Variants in PPFIBP2 observed in about 807,000 individuals in gnomAD.
The protein encoded by PPFIBP2 is liprin-beta-2.
In PPFIBP2, 118 loss-of-function variants were observed where a neutral mutation model predicts 118.3. The ratio of observed to expected loss-of-function variants is 1.00; its 90% CI spans 0.86 to 1.16. The LOEUF (loss-of-function observed/expected upper bound fraction) is 1.16. Ranked by LOEUF, PPFIBP2 falls within the 50% of genes most tolerant of loss-of-function variation. PPFIBP2 has a pLI of 0.00. For synonymous variants in PPFIBP2, 414 were observed against 397.4 expected, an observed-to-expected ratio of 1.04 and a Z score of -0.50; for missense variants, 1,195 against 1,073.1, an observed-to-expected ratio of 1.11 and a Z score of -1.59.
chr11:7,655,747 G>GCT (rs2136072429), downstream of PPFIBP2, among the ~76,000 whole-genome samples: 1 of 151,982 alleles, frequency 6.6e-6, no homozygotes, highest in South Asian at 2.1e-4. Flanking sequence ...GCCAAAGCCA[G>GCT]CTAAAGCACA....
chr11:7,606,554 T>C (rs1009600021), intron 5 of PPFIBP2, among the ~76,000 whole-genome samples: 3 of 152,216 alleles, frequency 2.0e-5, no homozygotes, highest in Admixed American at 6.5e-5. Context: ...GTAAATGTTC[T>C]GTTATTAGTG....
At chr11:7,535,389 C>G (rs992658558) in intron 1 of PPFIBP2, among the ~76,000 whole-genome samples, 3 of 152,138 alleles carry the variant, frequency 2.0e-5, no homozygotes, top group African/African-American at 7.2e-5. Flanking sequence ...ATCAGGAACC[C>G]AGGAGCAGGT....
At chr11:7,665,218 T>C in the PPFIBP2 span, 1 of 592,906 alleles carries the variant, frequency 1.7e-6, no homozygotes, top group Non-Finnish European at 2.8e-6. Context: ...CTTGAGCCCT[T>C]TTTGTTAGGC....
At chr11:7,597,963 T>A in intron 5 of PPFIBP2, 2 of 317,850 alleles carry the variant, frequency 6.3e-6, no homozygotes, top group South Asian at 4.6e-5. Context: ...GAGGGAGCGC[T>A]CGGCTGGGGG....
At chr11:7,604,434 A>G (rs577733846) in intron 5 of PPFIBP2, among the ~76,000 whole-genome samples, 1 of 151,606 alleles carries the variant, frequency 6.6e-6, no homozygotes, top group Non-Finnish European at 1.5e-5. Flanking sequence ...ACACACATGC[A>G]CCCACACACA....
At chr11:7,635,348 G>T (rs559541153) in intron 13 of PPFIBP2, among the ~76,000 whole-genome samples, 1 of 152,330 alleles carries the variant, frequency 6.6e-6, no homozygotes, top group Admixed American at 6.5e-5. Context: ...TGGTCATGTT[G>T]CTGGCAGCTG....
downstream of PPFIBP2, chr11:7,657,019 G>T: frequency 2.9e-6 from 1 of 350,670 alleles, no homozygotes. Flanking sequence ...CTTCACCGCA[G>T]GCTTCATACC....
downstream of PPFIBP2, chr11:7,655,306 T>C (rs1565138422): frequency 4.8e-6 from 3 of 626,552 alleles, no homozygotes; most frequent in South Asian, 3.3e-5. Context: ...GGCCCACTCC[T>C]TGCCTGTCCC....
At position 7,649,628 on chromosome 11, in the gene PPFIBP2, T is replaced by A. The variant is rs1397835891; in HGVS notation, c.2095T>A (p.Cys699Ser). Residue 699 changes from cysteine to serine, a missense_variant, in exon 21 of 24, where the codon TGC (cysteine) becomes AGC (serine). Transcript: ENST00000299492. ...GCATGTCAACAAGTTCAACCCCCAC[T>A]GCCTGCACCGGCGGCCAGCTGATGA... Reference protein sequence around the residue: ...VLHVNKFNPHCLHRRPADESN... With the variant: ...VLHVNKFNPHSLHRRPADESN... 6.2e-7 allele frequency: 1 copy of A among 1,614,230 alleles called. No homozygotes were observed. The highest frequency in any genetic ancestry group is 8.5e-7 in the Non-Finnish European group (1 of 1,180,030).
intron 23 of PPFIBP2, 109 bp from the exon 24 acceptor site, chr11:7,652,915 C>T: frequency 7.8e-7 from 1 of 1,285,102 alleles, no homozygotes; most frequent in South Asian, 1.4e-5. Flanking sequence ...GAGCAGTTTA[C>T]ATTATTCCTC....
intron 1 of PPFIBP2, among the ~76,000 whole-genome samples, chr11:7,526,180 A>T (rs751735124): frequency 6.6e-6 from 1 of 152,212 alleles, no homozygotes; most frequent in Non-Finnish European, 1.5e-5. Context: ...GGAGGAAGGT[A>T]TACTGAAAGG....
At chr11:7,607,502 C>G (rs1177343003) in intron 5 of PPFIBP2, among the ~76,000 whole-genome samples, 3 of 152,162 alleles carry the variant, frequency 2.0e-5, no homozygotes, top group African/African-American at 7.2e-5. Context: ...GCATGAGCCA[C>G]TGTGCCCAGG....
At chr11:7,636,384 T>C (rs972555606) in intron 14 of PPFIBP2, among the ~76,000 whole-genome samples, 3 of 151,034 alleles carry the variant, frequency 2.0e-5, no homozygotes, top group Non-Finnish European at 4.4e-5. Context: ...TACTCTTCCA[T>C]ATTTGTAGCA....
chr11:7,656,612 T>G (rs898740057), downstream of PPFIBP2: 8 of 588,358 alleles, frequency 1.4e-5, no homozygotes, highest in Middle Eastern at 3.0e-4. Flanking sequence ...AAACTTATAG[T>G]GCACCTGTGT....
Position 7,653,307 on chromosome 11 carries a change from G to A in PPFIBP2, c.*89G>A. ...ATAACTGCACCTCACCCCCGCACGT[G>A]TGCATGACTCGCAGAGAATATTCCA... On this transcript the variant is annotated 3_prime_UTR_variant, in exon 24 of 24. Coordinates refer to ENST00000299492, the MANE Select transcript of PPFIBP2 (RefSeq NM_003621.5). 1 of 1,571,022 alleles carries A rather than the reference G, an allele frequency of 6.4e-7. No individual in the cohort carries two copies. The highest frequency in any genetic ancestry group is 8.6e-7 in the Non-Finnish European group (1 of 1,161,238).
At chr11:7,566,947 T>C (rs1341005291) in intron 3 of PPFIBP2, among the ~76,000 whole-genome samples, 1 of 152,246 alleles carries the variant, frequency 6.6e-6, no homozygotes, top group Non-Finnish European at 1.5e-5. Context: ...TAGTCTATGC[T>C]GTTGTTTTCT....
At chr11:7,521,917 A>T (rs984140685) in intron 1 of PPFIBP2, among the ~76,000 whole-genome samples, 1 of 152,220 alleles carries the variant, frequency 6.6e-6, no homozygotes, top group South Asian at 2.1e-4. Context: ...GGTTGGGTGG[A>T]CACTGGGAGA....
intron 2 of PPFIBP2, among the ~76,000 whole-genome samples, chr11:7,564,834 G>C (rs1175180543): frequency 6.6e-6 from 1 of 152,182 alleles, no homozygotes. Context: ...AGTGGAACCT[G>C]TTAGACCTCT....
In PPFIBP2 at chr11:7,645,026, C is replaced by CAAA. The variant is rs57087700; in HGVS notation, c.1646+2631_1646+2633dup. On this transcript the variant is annotated intron_variant, in intron 17 of 23. Coordinates refer to ENST00000299492, the MANE Select transcript of PPFIBP2 (RefSeq NM_003621.5). ...TGGGCGACAGAGCAAGACTCCGTCT[C>CAAA]AAAAAAAAAAAAAAAAAAAAAAAAA... 4.9e-4 allele frequency among the ~76,000 whole-genome samples: 40 copies of CAAA among 81,824 alleles called. 1 individual carries two copies. Among genetic ancestry groups the CAAA allele is most frequent in the South Asian group, 2.2e-3 (4 of 1,828 alleles). The allele number at this position is 81,824 out of a possible 152,430, so 53.7% of individuals were successfully genotyped here.
Sources: gnomAD v4.1 joint callset for allele counts (sites outside exome capture counted in the v4.1 genomes callset) on GRCh38, gnomAD v4.1.1 for gene constraint, MANE v1.5 for transcripts, NCBI Gene and HGNC (gene_info 2026-07-23, HGNC 2026-07-21) for gene names.